The following KBTBD11 variants were observed in gnomAD, a reference collection of about 807,000 sequenced individuals.
The protein encoded by KBTBD11 is kelch repeat and BTB domain containing 11, also known as kelch repeat and BTB domain-containing protein 11.
For missense variants in KBTBD11, 1,390 were observed against 1,001.8 expected, an observed-to-expected ratio of 1.39 and a Z score of -5.23; for synonymous variants, 747 against 499.0, an observed-to-expected ratio of 1.50 and a Z score of -6.63.
At chr8:1,996,420 C>G (rs1173658327) in intron 1 of KBTBD11, among the ~76,000 whole-genome samples, 1 of 152,184 alleles carries the variant, frequency 6.6e-6, no homozygotes, top group Non-Finnish European at 1.5e-5. Context: ...CCCTGTGCCA[C>G]CAAGCCCGGC....
intron 1 of KBTBD11, among the ~76,000 whole-genome samples, chr8:1,998,723 C>G (rs561720456): frequency 1.2e-4 from 19 of 152,334 alleles, no homozygotes; most frequent in African/African-American, 3.8e-4. Flanking sequence ...TTATTTCAGA[C>G]ATGAGGTTCA....
At position 2,002,840 on chromosome 8, in the gene KBTBD11, C is replaced by T. The variant is rs1050656815; in HGVS notation, c.1648C>T (p.Leu550=). Residue 550 remains leucine, a synonymous_variant, in exon 2 of 2, where the codon CTG becomes TTG. Coordinates refer to ENST00000320248, the MANE Select transcript of KBTBD11 (RefSeq NM_014867.3). This position sits in a 1 kb window ranked among gnomAD's most constrained non-coding sequence, Gnocchi z 4.1. The part of the protein sequence containing the change: ...PLRLPGGPTG[L]QPFRCAALDG... ...GCGCCTCCCCGGCGGCCCCACGGGC[C>T]TGCAGCCCTTCCGCTGCGCCGCCCT... The T allele has an allele frequency of 1.3e-5, 19 of 1,409,380 alleles. No homozygotes were observed. Among genetic ancestry groups the T allele is most frequent in the African/African-American group, 9.1e-5 (6 of 65,816 alleles). The allele number at this position is 1,409,380 out of a possible 1,614,324, so 87.3% of individuals were successfully genotyped here.
At chr8:1,984,524 C>A (rs1052186626) in intron 1 of KBTBD11, among the ~76,000 whole-genome samples, 1 of 151,932 alleles carries the variant, frequency 6.6e-6, no homozygotes, top group Non-Finnish European at 1.5e-5. Context: ...CCTGACCTTG[C>A]GATCCCCCCG....
intron 1 of KBTBD11, among the ~76,000 whole-genome samples, chr8:1,993,688 C>T (rs1252741173): frequency 1.3e-5 from 2 of 151,830 alleles, no homozygotes; most frequent in South Asian, 4.1e-4. Context: ...ATGACACATA[C>T]ACCTCCCTAT....
At chr8:1,978,550 C>T (rs1185020955) in intron 1 of KBTBD11, among the ~76,000 whole-genome samples, 3 of 152,194 alleles carry the variant, frequency 2.0e-5, no homozygotes, top group East Asian at 3.9e-4. Flanking sequence ...GAGTCAGGGT[C>T]ACCACGGACT....
At position 1,973,730 on chromosome 8, in the gene KBTBD11, C is replaced by T. The variant is rs1585708862; in HGVS notation, c.-1114C>T. ...GAGCCGGAGCGCTGGCTCCGCGCGGCCTGGAGAGGCGGAGAGGCCTGTCCA... is the reference window on the plus strand; with the variant it reads ...GAGCCGGAGCGCTGGCTCCGCGCGGTCTGGAGAGGCGGAGAGGCCTGTCCA... On this transcript the variant is annotated 5_prime_UTR_variant, in exon 1 of 2. Coordinates refer to ENST00000320248, the MANE Select transcript of KBTBD11 (RefSeq NM_014867.3). 1.0e-6 allele frequency: 1 copy of T among 983,826 alleles called. No individual in the cohort carries two copies. Among genetic ancestry groups the T allele is most frequent in the Admixed American group, 6.2e-5 (1 of 16,144 alleles). 60.9% of individuals were successfully genotyped at this position (983,826 alleles called of 1,614,324 possible).
intron 1 of KBTBD11, among the ~76,000 whole-genome samples, chr8:1,993,922 TACACACACAC>T (rs57317862): frequency 2.1e-5 from 3 of 139,692 alleles, no homozygotes; most frequent in South Asian, 2.5e-4. Flanking sequence ...CAATACCCCC[TACACACACAC>T]ACACACACAC....
intron 1 of KBTBD11, among the ~76,000 whole-genome samples, chr8:1,985,468 T>C (rs1816679794): frequency 6.6e-6 from 1 of 152,280 alleles, no homozygotes; most frequent in African/African-American, 2.4e-5. Flanking sequence ...GCAGCGTCTG[T>C]CCTGGCGCCC....
intron 1 of KBTBD11, chr8:1,974,635 C>G (rs978835436): frequency 4.1e-6 from 4 of 985,244 alleles, no homozygotes; most frequent in African/African-American, 3.5e-5. Context: ...GCTCCCGAGT[C>G]CTGCCGGGCG....
At chr8:1,990,497 G>A (rs1181005917) in intron 1 of KBTBD11, among the ~76,000 whole-genome samples, 2 of 98,504 alleles carry the variant, frequency 2.0e-5, no homozygotes, top group East Asian at 2.7e-4. Flanking sequence ...CGCCCTGTCC[G>A]GGTAGATGCT....
intron 1 of KBTBD11, among the ~76,000 whole-genome samples, chr8:1,994,174 C>G (rs895971953): frequency 6.6e-6 from 1 of 152,094 alleles, no homozygotes; most frequent in African/African-American, 2.4e-5. Context: ...CAATTAAGTC[C>G]TGCTAGGAGA....
chr8:2,002,485 C>G lies in KBTBD11; in HGVS notation c.1293C>G (p.Arg431=), dbSNP rs758446410. ...CLLSVERYDP[R]ADRWAPVAPL... Reference sequence around the variant, plus strand: ...TCAGCGTGGAGCGCTACGACCCGCGCGCCGACCGCTGGGCCCCCGTGGCGC... The same window carrying G: ...TCAGCGTGGAGCGCTACGACCCGCGGGCCGACCGCTGGGCCCCCGTGGCGC... Residue 431 remains arginine (R), a synonymous_variant, in exon 2 of 2, where the codon CGC becomes CGG. Transcript: ENST00000320248. The surrounding 1 kb of genome is among the most constrained non-coding windows in gnomAD (Gnocchi z 4.1). 2 of 1,507,832 alleles carry G rather than the reference C, an allele frequency of 1.3e-6. No homozygotes were observed. The highest frequency in any genetic ancestry group is 2.6e-5 in the East Asian group (1 of 38,680). The allele number at this position is 1,507,832 out of a possible 1,614,324, so 93.4% of individuals were successfully genotyped here. A position where few individuals can be genotyped will look rare whatever the true frequency, so the allele number is the denominator to read the frequency against.
rs765605333 is a variant in KBTBD11, at chr8:2,002,456, C to G, written c.1264C>G (p.Leu422Val). Residue 422 changes from leucine (L) to valine (V), a missense_variant, in exon 2 of 2, where the codon CTG (leucine) becomes GTG (valine). Transcript: ENST00000320248. The surrounding 1 kb of genome is among the most constrained non-coding windows in gnomAD (Gnocchi z 4.1). ...GHLYAVGGEC[L>V]LSVERYDPRA... ...CCTCTACGCCGTGGGCGGCGAGTGC[C>G]TGCTCAGCGTGGAGCGCTACGACCC... 6.6e-7 allele frequency: 1 copy of G among 1,508,622 alleles called. No individual in the cohort carries two copies. The allele number at this position is 1,508,622 out of a possible 1,614,324, so 93.5% of individuals were successfully genotyped here. A position where few individuals can be genotyped will look rare whatever the true frequency, so the allele number is the denominator to read the frequency against.
rs1453411897 is a variant in KBTBD11, at chr8:2,002,231, G to T, written c.1039G>T (p.Ala347Ser). Residue 347 changes from alanine (A) to serine (S), a missense_variant, in exon 2 of 2, where the codon GCG becomes TCG. Coordinates refer to ENST00000320248, the MANE Select transcript of KBTBD11 (RefSeq NM_014867.3). This position sits in a 1 kb window ranked among gnomAD's most constrained non-coding sequence, Gnocchi z 4.1. ...CGAGCTGACGCGGCTGCCCGAGGGC[G>T]CGCCGGCGCGGGGCTGCGGCCTGTG... The part of the protein sequence containing the change: ...WRELTRLPEG[A>S]PARGCGLCVL... 5 of 1,269,216 alleles carry T rather than the reference G, an allele frequency of 3.9e-6. No individual in the cohort carries two copies. The highest frequency in any genetic ancestry group is 6.8e-5 in the East Asian group (2 of 29,554). 78.6% of individuals were successfully genotyped at this position (1,269,216 alleles called of 1,614,324 possible).
rs1331447327 is a variant in KBTBD11 at position 2,001,885 on chromosome 8, G to C, written c.693G>C (p.Leu231=). Reference sequence around the variant, plus strand: ...CCACCGACGCCGTGGGGCCGCAGCTGAGCCTGGCCAACTGCTACGAGGTCC... The same window carrying C: ...CCACCGACGCCGTGGGGCCGCAGCTCAGCCTGGCCAACTGCTACGAGGTCC... The part of the protein sequence containing the change: ...QRATDAVGPQ[L]SLANCYEVLS... The change falls in exon 2 of 2, where the codon CTG becomes CTC. Residue 231 remains leucine (L), a synonymous_variant. Coordinates refer to ENST00000320248, the MANE Select transcript of KBTBD11 (RefSeq NM_014867.3). 3 of 1,387,072 alleles carry C rather than the reference G, an allele frequency of 2.2e-6. No individual in the cohort carries two copies. The highest frequency in any genetic ancestry group is 2.8e-6 in the Non-Finnish European group (3 of 1,059,856). The allele number at this position is 1,387,072 out of a possible 1,614,324, so 85.9% of individuals were successfully genotyped here. A position where few individuals can be genotyped will look rare whatever the true frequency, so the allele number is the denominator to read the frequency against.
chr8:1,974,034 G>C (rs1816218857), intron 1 of KBTBD11, 99 bp downstream of exon 1: 5 of 945,516 alleles, frequency 5.3e-6, no homozygotes, highest in Non-Finnish European at 6.3e-6. Flanking sequence ...GGAGGTGGTC[G>C]GCGAGAGCGG....
intron 1 of KBTBD11, among the ~76,000 whole-genome samples, chr8:1,980,632 TG>T (rs979295246): frequency 1.3e-5 from 2 of 152,212 alleles, no homozygotes; most frequent in African/African-American, 4.8e-5. Context: ...GGCTGTGGCA[TG>T]GCCGGGTTGT....
Position 1,973,819 on chromosome 8 carries a change from C to G in KBTBD11, c.-1025C>G, listed in dbSNP as rs1211069534. 3.1e-6 allele frequency: 3 copies of G among 983,120 alleles called. No homozygotes were observed. The highest frequency in any genetic ancestry group is 3.5e-5 in the African/African-American group (2 of 56,962). The allele number at this position is 983,120 out of a possible 1,614,324, so 60.9% of individuals were successfully genotyped here. On this transcript the variant is annotated 5_prime_UTR_variant, in exon 1 of 2. Coordinates refer to ENST00000320248, the MANE Select transcript of KBTBD11 (RefSeq NM_014867.3). ...GGAGCAGCTCCCGCTCGCAGGTGCT[C>G]GGAGAGGCCGGGCCGCGGCTCCCAC...
In KBTBD11 at chr8:2,003,159, C is replaced by A. The variant is rs938138572; in HGVS notation, c.*95C>A. On this transcript the variant is annotated 3_prime_UTR_variant, in exon 2 of 2. Coordinates refer to ENST00000320248, the MANE Select transcript of KBTBD11 (RefSeq NM_014867.3). ...GGAGGACGTGGTGGGGAGTCGGGGC[C>A]GCTGGCCACGCTGGTGGTTTGGACA... 1 of 1,246,008 alleles carries A rather than the reference C, an allele frequency of 8.0e-7. No homozygotes were observed. Among genetic ancestry groups the A allele is most frequent in the African/African-American group, 1.6e-5 (1 of 64,128 alleles). 77.2% of individuals were successfully genotyped at this position (1,246,008 alleles called of 1,614,324 possible). A position where few individuals can be genotyped will look rare whatever the true frequency, so the allele number is the denominator to read the frequency against.
Sources: gnomAD v4.1 joint callset for allele counts (sites outside exome capture counted in the v4.1 genomes callset) on GRCh38, gnomAD v4.1.1 for gene constraint, Gnocchi (gnomAD v3.1) non-coding constraint, MANE v1.5 for transcripts, NCBI Gene and HGNC (gene_info 2026-07-23, HGNC 2026-07-21) for gene names.